ELOVL7: variants seen among roughly 807,000 people sequenced by gnomAD.
ELOVL7 encodes the protein very long chain fatty acid elongase 7.
A neutral mutation model predicts 35.7 loss-of-function variants in ELOVL7; 27 were observed. The ratio of observed to expected loss-of-function variants is 0.76; its 90% CI spans 0.56 to 1.04. The LOEUF (loss-of-function observed/expected upper bound fraction) is 1.04, where lower values mean the gene tolerates loss of function less well. Ranked by LOEUF, ELOVL7 falls within the 50% of genes least tolerant of loss-of-function variation. The pLI is 0.00. For missense variants in ELOVL7, 327 were observed against 340.8 expected (o/e 0.96, Z 0.32); for synonymous variants, 113 against 114.6 (o/e 0.99, Z 0.09).
chr5:60,767,871 T>C lies in ELOVL7; in HGVS notation c.288A>G (p.Ser96=), dbSNP rs1579786101. The part of the protein sequence containing the change: ...FVMSGWGIGY[S]FRCDIVDYSR... ...AATAGTCAACAATGTCACATCGAAA[T>C]GAATAACCTATACCCCAGCCAGACA... is the stretch of plus-strand genomic sequence containing the variant. Residue 96 remains serine (S), a synonymous_variant, in exon 5 of 9, where the codon TCA becomes TCG. Transcript: ENST00000508821. 1 of 1,613,874 alleles carries C rather than the reference T, an allele frequency of 6.2e-7. No individual in the cohort carries two copies. The highest frequency in any genetic ancestry group is 2.2e-5 in the East Asian group (1 of 44,850).
chr5:60,764,505 A>C (rs185794355), intron 6 of ELOVL7, among the ~76,000 whole-genome samples, 173 bp from the exon 7 acceptor site: 157 of 152,310 alleles, frequency 1.0e-3, no homozygotes, highest in Non-Finnish European at 1.2e-3. Context: ...GCTCAAATCT[A>C]ATTATTATGA....
At chr5:60,760,491 T>C (rs1741839077) in intron 7 of ELOVL7, among the ~76,000 whole-genome samples, 1 of 152,188 alleles carries the variant, frequency 6.6e-6, no homozygotes, top group African/African-American at 2.4e-5. Context: ...GGGTTGTTTG[T>C]TTTCTTCTTG....
chr5:60,768,791 A>C (rs1258367203), intron 4 of ELOVL7: 21 of 410,564 alleles, frequency 5.1e-5, no homozygotes, highest in Non-Finnish European at 9.5e-5. Flanking sequence ...CTTCTCATAC[A>C]TGCCAAATAC....
intron 3 of ELOVL7, among the ~76,000 whole-genome samples, chr5:60,776,050 T>C (rs570901723): frequency 4.6e-4 from 70 of 152,186 alleles, no homozygotes; most frequent in African/African-American, 1.7e-3. Flanking sequence ...AGACAACCTA[T>C]GGACTGGGAG....
intron 7 of ELOVL7, among the ~76,000 whole-genome samples, chr5:60,762,863 GTAA>G (rs1168335124): frequency 2.0e-5 from 3 of 152,096 alleles, no homozygotes; most frequent in East Asian, 1.9e-4. Flanking sequence ...ATAGACACAA[GTAA>G]TAATAACCAC....
chr5:60,764,180 A>G lies in ELOVL7; in HGVS notation c.499+47T>C, dbSNP rs1447216069. 4.0e-6 allele frequency: 5 copies of G among 1,254,920 alleles called. No individual in the cohort carries two copies. The South Asian group carries it at 6.4e-5, about 16-fold the overall frequency. The allele number at this position is 1,254,920 out of a possible 1,614,324, so 77.7% of individuals were successfully genotyped here. On this transcript the variant is annotated intron_variant, in intron 7 of 8. Transcript: ENST00000508821. ...TAGAAAAATATTTTGTTTTTAGCAT[A>G]TAGAAATGTTGTTTATAACACATGA... is the stretch of plus-strand genomic sequence containing the variant.
chr5:60,769,524 C>T (rs1255424253), intron 4 of ELOVL7, among the ~76,000 whole-genome samples: 1 of 152,178 alleles, frequency 6.6e-6, no homozygotes, highest in African/African-American at 2.4e-5. Context: ...TGATGTCCTT[C>T]CCTTTCAACT....
intron 5 of ELOVL7, 68 bp downstream of exon 5, chr5:60,767,755 T>C (rs999026197): frequency 8.9e-7 from 1 of 1,122,152 alleles, no homozygotes. Context: ...TTACGTTCAG[T>C]GTTACAAACA....
At chr5:60,795,531 G>T (rs1744201610) in intron 2 of ELOVL7, among the ~76,000 whole-genome samples, 1 of 152,172 alleles carries the variant, frequency 6.6e-6, no homozygotes, top group African/African-American at 2.4e-5. Context: ...TTGTATGGGA[G>T]CTCTGTTTTC....
At chr5:60,825,670 A>G (rs1228280315) in intron 1 of ELOVL7, among the ~76,000 whole-genome samples, 1 of 152,196 alleles carries the variant, frequency 6.6e-6, no homozygotes, top group African/African-American at 2.4e-5. Context: ...AGGTTGAGGG[A>G]AAGAGCTGTG....
In ELOVL7 at chr5:60,823,271, G is replaced by C. The variant is rs114074275; in HGVS notation, c.-86+20889C>G. On this transcript the variant is annotated intron_variant, in intron 1 of 8. Transcript: ENST00000508821. ...TGATACCTCCTCCGAGAAGGAAAAC[G>C]GGAAAGAAGGGCGTGAAATAGATGA... 1.6e-4 allele frequency among the ~76,000 whole-genome samples: 25 copies of C among 152,084 alleles called. 1 individual carries two copies. In the East Asian group the frequency reaches 4.1e-3, roughly 25 times the overall value.
chr5:60,788,680 C>A (rs1383083482), intron 2 of ELOVL7, among the ~76,000 whole-genome samples: 1 of 151,858 alleles, frequency 6.6e-6, no homozygotes, highest in East Asian at 1.9e-4. Context: ...GAGGCTGAGG[C>A]AGGAAAATTG....
intron 1 of ELOVL7, among the ~76,000 whole-genome samples, chr5:60,826,872 T>C (rs1355301150): frequency 1.3e-5 from 2 of 152,152 alleles, no homozygotes; most frequent in African/African-American, 4.8e-5. Flanking sequence ...CAGAAACATT[T>C]TAGGTACTGA....
rs117974381 is a variant in ELOVL7, at chr5:60,807,095, A to G, written c.-85-7865T>C. ...CCCCCAGCTGCACTGGGGATGCAAA[A>G]GAGCCTGAGAAGCCTCACAAGTAAC... On this transcript the variant is annotated intron_variant, in intron 1 of 8. Transcript: ENST00000508821. Among the ~76,000 whole-genome samples, 157 of 152,294 alleles carry G rather than the reference A, an allele frequency of 1.0e-3. No homozygotes were observed. In the East Asian group the frequency reaches 0.025, roughly 24 times the overall value.
At chr5:60,777,630 T>C (rs1342751338) in intron 3 of ELOVL7, among the ~76,000 whole-genome samples, 1 of 152,006 alleles carries the variant, frequency 6.6e-6, no homozygotes, top group Non-Finnish European at 1.5e-5. Flanking sequence ...TGATGAACAA[T>C]AAAAGCAGTG....
intron 1 of ELOVL7, among the ~76,000 whole-genome samples, chr5:60,830,247 T>G (rs1365789258): frequency 6.6e-6 from 1 of 152,210 alleles, no homozygotes; most frequent in African/African-American, 2.4e-5. Flanking sequence ...AGATCCCTGC[T>G]TTCATGGAGT....
At chr5:60,758,539 T>C (rs1455552098) in intron 7 of ELOVL7, among the ~76,000 whole-genome samples, 1 of 152,210 alleles carries the variant, frequency 6.6e-6, no homozygotes. Flanking sequence ...ACCATCCTTA[T>C]TTACGGCTTC....
chr5:60,822,550 G>T (rs1482716767), intron 1 of ELOVL7, among the ~76,000 whole-genome samples: 1 of 152,230 alleles, frequency 6.6e-6, no homozygotes, highest in Non-Finnish European at 1.5e-5. Flanking sequence ...ATCCCAATGT[G>T]ACAAGCCCAG....
intron 3 of ELOVL7, among the ~76,000 whole-genome samples, chr5:60,784,486 T>G (rs1743447255): frequency 6.6e-6 from 1 of 152,212 alleles, no homozygotes; most frequent in Non-Finnish European, 1.5e-5. Flanking sequence ...AGCTAAGTAT[T>G]AATTAAACCA....
Sources: gnomAD v4.1 joint callset for allele counts (sites outside exome capture counted in the v4.1 genomes callset) on GRCh38, gnomAD v4.1.1 for gene constraint, MANE v1.5 for transcripts, NCBI Gene and HGNC (gene_info 2026-07-23, HGNC 2026-07-21) for gene names.